ADORA2B: variants seen among roughly 807,000 people sequenced by gnomAD.
ADORA2B encodes the protein adenosine receptor A2b.
A neutral mutation model predicts 20.8 loss-of-function variants in ADORA2B; 18 were observed. The observed-to-expected ratio is 0.87, with a 90% CI of 0.60 to 1.29. The LOEUF is 1.29. ADORA2B is among the 50% of genes most tolerant of loss of function. The pLI, the probability that ADORA2B is intolerant of heterozygous loss-of-function variation, is 0.00. For missense variants in ADORA2B, 441 were observed against 422.7 expected, an observed-to-expected ratio of 1.04 and a Z score of -0.38; for synonymous variants, 179 against 178.3, an observed-to-expected ratio of 1.00 and a Z score of -0.03.
chr17:15,875,162 T>C, the ADORA2B span, among the ~76,000 whole-genome samples: 1 of 152,176 alleles, frequency 6.6e-6, no homozygotes, highest in Non-Finnish European at 1.5e-5. Context: ...CTAAGAAAGC[T>C]CTGTGTTCCC....
At chr17:15,933,038 C>T in the ADORA2B span, among the ~76,000 whole-genome samples, 9 of 150,484 alleles carry the variant, frequency 6.0e-5, no homozygotes. Flanking sequence ...TCACTGCAAG[C>T]TCTGCCTCCC....
At chr17:15,928,003 G>T in the ADORA2B span, among the ~76,000 whole-genome samples, 1 of 151,980 alleles carries the variant, frequency 6.6e-6, no homozygotes, top group Non-Finnish European at 1.5e-5. Flanking sequence ...TGTATTTTTA[G>T]TAGAGATGGG....
At chr17:15,945,812 G>A (rs893147755) in intron 1 of ADORA2B, among the ~76,000 whole-genome samples, 2 of 152,010 alleles carry the variant, frequency 1.3e-5, no homozygotes, top group African/African-American at 4.8e-5. Flanking sequence ...TCTGCGTAGG[G>A]ACAGCTCTAG....
chr17:15,905,652 G>A, the ADORA2B span, among the ~76,000 whole-genome samples: 1 of 147,490 alleles, frequency 6.8e-6, no homozygotes, highest in East Asian at 2.0e-4. Flanking sequence ...ATGAGCTACT[G>A]CACCCAGCTG....
chr17:15,867,588 C>A, the ADORA2B span, among the ~76,000 whole-genome samples: 30 of 149,752 alleles, frequency 2.0e-4, no homozygotes, highest in Non-Finnish European at 3.4e-4. Flanking sequence ...GTCAGCCCCC[C>A]GCCCGGCCAG....
the ADORA2B span, among the ~76,000 whole-genome samples, chr17:15,926,204 A>C: frequency 6.6e-6 from 1 of 152,152 alleles, no homozygotes; most frequent in Non-Finnish European, 1.5e-5. Context: ...CCTATGTGCC[A>C]GGCACCCTGC....
At chr17:15,874,237 A>G in the ADORA2B span, among the ~76,000 whole-genome samples, 6 of 151,942 alleles carry the variant, frequency 3.9e-5, no homozygotes, top group South Asian at 2.1e-4. Context: ...ATCAAAAATC[A>G]TATGTTCTCA....
the ADORA2B span, among the ~76,000 whole-genome samples, chr17:15,874,062 G>GTATATATA: frequency 0.1 from 10,306 of 99,036 alleles, 1,141 homozygotes; most frequent in African/African-American, 0.27. Context: ...ATATATATGT[G>GTATATATA]TGTGTGTATA....
the ADORA2B span, among the ~76,000 whole-genome samples, chr17:15,918,049 T>C: frequency 6.6e-5 from 10 of 152,192 alleles, no homozygotes; most frequent in African/African-American, 2.2e-4. Context: ...ACAACATTGC[T>C]ATCTCGTGGT....
chr17:15,891,074 C>G, the ADORA2B span, among the ~76,000 whole-genome samples: 9 of 152,194 alleles, frequency 5.9e-5, no homozygotes, highest in African/African-American at 2.2e-4. Flanking sequence ...CAAGACCAGC[C>G]TGGCCAACAT....
At chr17:15,878,214 C>CACACACA in the ADORA2B span, among the ~76,000 whole-genome samples, 1 of 143,474 alleles carries the variant, frequency 7.0e-6, no homozygotes, top group South Asian at 2.2e-4. Flanking sequence ...CACACACACA[C>CACACACA]ATTATATAAA....
intron 1 of ADORA2B, among the ~76,000 whole-genome samples, chr17:15,969,644 C>G (rs1265264851): frequency 1.3e-5 from 2 of 152,212 alleles, no homozygotes; most frequent in African/African-American, 4.8e-5. Flanking sequence ...TCTTCATCTT[C>G]CTGCACCTGT....
At chr17:15,911,960 C>A in the ADORA2B span, among the ~76,000 whole-genome samples, 4 of 152,134 alleles carry the variant, frequency 2.6e-5, no homozygotes, top group Non-Finnish European at 1.5e-5. Context: ...CACCTATAAT[C>A]TCAGCACTTT....
At chr17:15,902,145 G>A in the ADORA2B span, among the ~76,000 whole-genome samples, 1 of 151,990 alleles carries the variant, frequency 6.6e-6, no homozygotes, top group South Asian at 2.1e-4. Flanking sequence ...TTTGTGAGTG[G>A]GTTATTTCAC....
intron 1 of ADORA2B, among the ~76,000 whole-genome samples, chr17:15,959,282 A>G (rs913195262): frequency 1.3e-5 from 2 of 152,220 alleles, no homozygotes; most frequent in African/African-American, 4.8e-5. Context: ...AAATGAGTAC[A>G]GTACATATTT....
At chr17:15,864,668 A>G in the ADORA2B span, among the ~76,000 whole-genome samples, 17 of 152,114 alleles carry the variant, frequency 1.1e-4, no homozygotes, top group African/African-American at 2.4e-4. Context: ...TCTGCTGGCA[A>G]TGGTTGTCTT....
At chr17:15,886,217 C>G in the ADORA2B span, among the ~76,000 whole-genome samples, 1 of 152,284 alleles carries the variant, frequency 6.6e-6, no homozygotes, top group Non-Finnish European at 1.5e-5. Flanking sequence ...CTCCCAGGCT[C>G]CCAGAACTCC....
At chr17:15,948,145 T>G (rs1330480463) in intron 1 of ADORA2B, among the ~76,000 whole-genome samples, 4 of 151,874 alleles carry the variant, frequency 2.6e-5, no homozygotes, top group Admixed American at 2.6e-4. Flanking sequence ...TACCCCCAGT[T>G]CCTCCCGGTT....
At chr17:15,930,084 A>G in the ADORA2B span, among the ~76,000 whole-genome samples, 1 of 152,298 alleles carries the variant, frequency 6.6e-6, no homozygotes, top group South Asian at 2.1e-4. Context: ...CGGCTGCAGC[A>G]TTGGACCAGA....
Sources: allele counts gnomAD v4.1 joint callset (sites outside exome capture counted in the v4.1 genomes callset), GRCh38; gene constraint gnomAD v4.1.1; transcripts MANE v1.5; gene names NCBI Gene and HGNC (gene_info 2026-07-23, HGNC 2026-07-21).